LEPROTL1: variants seen among roughly 807,000 people sequenced by gnomAD.
LEPROTL1 encodes the protein leptin receptor overlapping transcript-like 1.
Under a neutral mutation model 15.4 loss-of-function variants are expected in LEPROTL1, and 6 were observed. The observed-to-expected ratio is 0.39, with a 90% confidence interval of 0.21 to 0.77. The LOEUF (loss-of-function observed/expected upper bound fraction) is 0.77. Among genes scored for constraint, LEPROTL1 ranks in the 30% least tolerant of loss-of-function variants. The pLI is 0.41. For synonymous variants in LEPROTL1, 56 were observed against 52.6 expected (o/e 1.06, Z -0.28); for missense variants, 128 against 158.1 (o/e 0.81, Z 1.02).
In LEPROTL1 at chr8:30,099,599, T is replaced by TAAAAA. The variant is rs71204264; in HGVS notation, c.17-2277_17-2273dup. Among the ~76,000 whole-genome samples, 8 of 112,474 alleles carry TAAAAA rather than the reference T, an allele frequency of 7.1e-5. 1 individual carries two copies. The highest frequency in any genetic ancestry group is 2.9e-4 in the African/African-American group (8 of 27,700). The allele number at this position is 112,474 out of a possible 152,430, so 73.8% of individuals were successfully genotyped here. A position where few individuals can be genotyped will look rare whatever the true frequency, so the allele number is the denominator to read the frequency against. The stretch of plus-strand genomic sequence containing the variant: ...CCTGGCGACAGCGCAAGACTCCATT[T>TAAAAA]AAAAAAAAAAAAAAAAAAAAAAAAA... On this transcript the variant is annotated intron_variant, in intron 1 of 3. Coordinates refer to ENST00000321250, the MANE Select transcript of LEPROTL1 (RefSeq NM_015344.3).
intron 3 of LEPROTL1, among the ~76,000 whole-genome samples, chr8:30,117,194 A>G (rs553434900): frequency 6.6e-6 from 1 of 152,292 alleles, no homozygotes; most frequent in East Asian, 1.9e-4. Context: ...TGAAAAATCA[A>G]AATGATCTTA....
At chr8:30,102,652 CAAA>C in intron 2 of LEPROTL1, among the ~76,000 whole-genome samples, 1 of 101,110 alleles carries the variant, frequency 9.9e-6, no homozygotes, top group African/African-American at 3.7e-5. Flanking sequence ...ACTCTGTTTC[CAAA>C]AAAAAAAAAA....
Position 30,107,308 on chromosome 8 carries a change from A to C in LEPROTL1, c.*1446A>C, listed in dbSNP as rs1239070000. On this transcript the variant is annotated 3_prime_UTR_variant, in exon 4 of 4. Coordinates refer to ENST00000321250, the MANE Select transcript of LEPROTL1 (RefSeq NM_015344.3). ...TGGTCGTTTACATCTAATAATTATCAGGACTTTTTTCAGGAGTGGGTTATA... is the reference window on the plus strand; with the variant it reads ...TGGTCGTTTACATCTAATAATTATCCGGACTTTTTTCAGGAGTGGGTTATA... 3.0e-6 allele frequency: 3 copies of C among 985,582 alleles called. No individual in the cohort carries two copies. In the Admixed American group the frequency reaches 1.8e-4, roughly 61 times the overall value. The allele number at this position is 985,582 out of a possible 1,614,324, so 61.1% of individuals were successfully genotyped here. A position where few individuals can be genotyped will look rare whatever the true frequency, so the allele number is the denominator to read the frequency against.
chr8:30,132,201 G>T (rs1225583747), intron 3 of LEPROTL1: 2 of 1,551,866 alleles, frequency 1.3e-6, no homozygotes, highest in Admixed American at 2.0e-5. Context: ...TCACGGCCCA[G>T]CAAACGAAAC....
At position 30,104,397 on chromosome 8, in the gene LEPROTL1, A is replaced by G. The variant is rs1484575292; in HGVS notation, c.190A>G (p.Asn64Asp). The G allele has an allele frequency of 6.2e-7, 1 of 1,612,894 alleles. No homozygotes were observed. ...RLVDDTDAMS[N>D]ACKELAIFLT... Reference sequence around the variant, plus strand: ...AGTGGATGATACAGATGCTATGAGTAACGCTTGTAAGGAACTTGCCATCTT... The same window carrying G: ...AGTGGATGATACAGATGCTATGAGTGACGCTTGTAAGGAACTTGCCATCTT... Residue 64 changes from asparagine to aspartate, a missense_variant, in exon 3 of 4, where the codon AAC becomes GAC. Asn to Asp is a conservative substitution (Grantham distance 23, BLOSUM62 1). Coordinates refer to ENST00000321250, the MANE Select transcript of LEPROTL1 (RefSeq NM_015344.3).
chr8:30,095,599 C>A lies in LEPROTL1; in HGVS notation c.16+71C>A, dbSNP rs957752930. On this transcript the variant is annotated intron_variant, in intron 1 of 3. Coordinates refer to ENST00000321250, the MANE Select transcript of LEPROTL1 (RefSeq NM_015344.3). ...AAGATGGGCCGGGGGTCCCACGCGG[C>A]CCCCGCACTTCCCCTCCGGGCTCGC... 3.3e-6 allele frequency: 4 copies of A among 1,218,930 alleles called. No homozygotes were observed. In the African/African-American group the frequency reaches 6.4e-5, roughly 19 times the overall value. The allele number at this position is 1,218,930 out of a possible 1,614,324, so 75.5% of individuals were successfully genotyped here.
In LEPROTL1 at chr8:30,113,906, T is replaced by G. The variant is rs548105878; in HGVS notation, c.279+9420T>G. On this transcript the variant is annotated intron_variant, in intron 3 of 4. Transcript: ENST00000442880. ...AATGGAATACACCGAAGCTCCGTTTTTACAGTTTTAAGTATTGGAGCCACC... is the reference window on the plus strand; with the variant it reads ...AATGGAATACACCGAAGCTCCGTTTGTACAGTTTTAAGTATTGGAGCCACC... Among the ~76,000 whole-genome samples, 12 of 152,222 alleles carry G rather than the reference T, an allele frequency of 7.9e-5. No individual in the cohort carries two copies. In the South Asian group the frequency reaches 2.5e-3, roughly 32 times the overall value.
At chr8:30,105,671 C>T in intron 3 of LEPROTL1, 75 bp from the exon 4 acceptor site, 1 of 1,306,194 alleles carries the variant, frequency 7.7e-7, no homozygotes, top group Non-Finnish European at 1.1e-6. Context: ...TGGGATACAA[C>T]TAGAGCCTTG....
At chr8:30,129,665 A>G (rs977147464) in intron 3 of LEPROTL1, among the ~76,000 whole-genome samples, 1 of 150,418 alleles carries the variant, frequency 6.6e-6, no homozygotes, top group Non-Finnish European at 1.5e-5. Context: ...AGATCACACC[A>G]CTGCACACCA....
chr8:30,099,717 A>G (rs1412340645), intron 1 of LEPROTL1, among the ~76,000 whole-genome samples: 1 of 152,076 alleles, frequency 6.6e-6, no homozygotes, highest in African/African-American at 2.4e-5. Flanking sequence ...GGAAAGGACC[A>G]TGCCTCATTC....
At chr8:30,125,302 A>C (rs530058625) in intron 3 of LEPROTL1, among the ~76,000 whole-genome samples, 2 of 152,356 alleles carry the variant, frequency 1.3e-5, no homozygotes, top group South Asian at 4.1e-4. Flanking sequence ...CTAAGAAATT[A>C]AACCTACGAT....
intron 3 of LEPROTL1, among the ~76,000 whole-genome samples, chr8:30,124,139 A>C (rs1802874461): frequency 6.6e-6 from 1 of 152,162 alleles, no homozygotes; most frequent in African/African-American, 2.4e-5. Flanking sequence ...TCTGTCATGT[A>C]ATATTCATCA....
At position 30,131,874 on chromosome 8, in the gene LEPROTL1, T is replaced by C. The variant is rs1803021804; in HGVS notation, c.280-501T>C. 3 of 1,464,234 alleles carry C rather than the reference T, an allele frequency of 2.0e-6. No individual in the cohort carries two copies. In the African/African-American group the frequency reaches 4.3e-5, roughly 21 times the overall value. 90.7% of individuals were successfully genotyped at this position (1,464,234 alleles called of 1,614,324 possible). ...TATGGAAAAGTTCAAATGTATGCAT[T>C]ATCGATGCGTCATCTGGCACTTTCT... On this transcript the variant is annotated intron_variant, in intron 3 of 4. Coordinates refer to the LEPROTL1 transcript ENST00000442880.
chr8:30,119,924 C>CTAAAAATACAAA (rs1802801741), intron 3 of LEPROTL1, among the ~76,000 whole-genome samples: 1 of 152,106 alleles, frequency 6.6e-6, no homozygotes, highest in Admixed American at 6.6e-5. Context: ...CAAAAACTAG[C>CTAAAAATACAAA]AGAGCGTGGT....
At chr8:30,117,232 A>G (rs997659184) in intron 3 of LEPROTL1, among the ~76,000 whole-genome samples, 4 of 152,112 alleles carry the variant, frequency 2.6e-5, no homozygotes, top group African/African-American at 9.7e-5. Flanking sequence ...TCAGGCCTGT[A>G]ATCCCAGTGC....
At chr8:30,114,795 A>T (rs535521204) in intron 3 of LEPROTL1, among the ~76,000 whole-genome samples, 2 of 152,348 alleles carry the variant, frequency 1.3e-5, no homozygotes, top group African/African-American at 4.8e-5. Context: ...ATATTGTCTC[A>T]GGAACCTGGG....
At chr8:30,128,904 T>G (rs1039045324) in intron 3 of LEPROTL1, among the ~76,000 whole-genome samples, 111 of 152,090 alleles carry the variant, frequency 7.3e-4, no homozygotes, top group Non-Finnish European at 2.8e-4. Context: ...TTCTTTTTTT[T>G]TTTTTGAGAC....
At position 30,106,089 on chromosome 8, in the gene LEPROTL1, A is replaced by G. The variant is rs143574759; in HGVS notation, c.*227A>G. On this transcript the variant is annotated 3_prime_UTR_variant, in exon 4 of 4. Transcript: ENST00000321250. The stretch of plus-strand genomic sequence containing the variant: ...AGCTTGACTGATTTCACACTTATCT[A>G]TAGTATGCTTTTTGTGGTGTCCTGC... 40 of 1,061,808 alleles carry G rather than the reference A, an allele frequency of 3.8e-5. No homozygotes were observed. Among genetic ancestry groups the G allele is most frequent in the East Asian group, 2.0e-4 (3 of 15,374 alleles). 65.8% of individuals were successfully genotyped at this position (1,061,808 alleles called of 1,614,324 possible).
chr8:30,117,835 AT>A, intron 3 of LEPROTL1: 1 of 627,672 alleles, frequency 1.6e-6, no homozygotes, highest in Non-Finnish European at 2.8e-6. Context: ...TCTATAAAAA[AT>A]TTTTAAAATC....
Sources: allele counts gnomAD v4.1 joint callset (sites outside exome capture counted in the v4.1 genomes callset), GRCh38; gene constraint gnomAD v4.1.1; transcripts MANE v1.5; gene names NCBI Gene and HGNC (gene_info 2026-07-23, HGNC 2026-07-21).